Variants in CLMP observed in about 807,000 individuals in gnomAD.
The protein encoded by CLMP is CXADR-like membrane protein.
CLMP carries 27 observed loss-of-function variants against 45.2 expected under a neutral mutation model. The observed-to-expected ratio is 0.60, with a 90% CI of 0.44 to 0.82. The LOEUF (loss-of-function observed/expected upper bound fraction) is 0.82, where lower values mean the gene tolerates loss of function less well. Among genes scored for constraint, CLMP ranks in the 40% least tolerant of loss-of-function variants. The pLI, the probability that CLMP is intolerant of heterozygous loss-of-function variation, is 0.00. For synonymous variants in CLMP, 167 were observed against 171.4 expected, an observed-to-expected ratio of 0.97 and a Z score of 0.20; for missense variants, 403 against 448.4, an observed-to-expected ratio of 0.90 and a Z score of 0.91.
intron 1 of CLMP, among the ~76,000 whole-genome samples, chr11:123,107,034 T>A (rs77450769): frequency 0.11 from 15,526 of 142,670 alleles, 945 homozygotes; most frequent in Non-Finnish European, 0.13. Flanking sequence ...AAAAAAAAAA[T>A]AATAATAATA....
At chr11:123,077,409 G>A (rs1280239345) in intron 5 of CLMP, among the ~76,000 whole-genome samples, 1 of 151,986 alleles carries the variant, frequency 6.6e-6, no homozygotes, top group Admixed American at 6.6e-5. Flanking sequence ...TTGGCTTACC[G>A]CAACCTCTGC....
At position 123,179,750 on chromosome 11, in the gene CLMP, G is replaced by A. The variant is rs143441373; in HGVS notation, c.28+15163C>T. The stretch of plus-strand genomic sequence containing the variant: ...ATGCCTTAAAATCCTTGGGCTTGCC[G>A]GGGGTTCAAAGAGCTTTGGGCTGGG... On this transcript the variant is annotated intron_variant, in intron 1 of 6. Transcript: ENST00000448775. Among the ~76,000 whole-genome samples, 14 of 152,286 alleles carry A rather than the reference G, an allele frequency of 9.2e-5. No homozygotes were observed. The East Asian group carries it at 9.7e-4, about 11-fold the overall frequency.
At chr11:123,116,403 C>T (rs1860720425) in intron 1 of CLMP, among the ~76,000 whole-genome samples, 1 of 151,908 alleles carries the variant, frequency 6.6e-6, no homozygotes, top group Non-Finnish European at 1.5e-5. Flanking sequence ...CCTGTGTATA[C>T]TAAAAGTACA....
chr11:123,188,090 T>G (rs1861856346), intron 1 of CLMP, among the ~76,000 whole-genome samples: 1 of 152,226 alleles, frequency 6.6e-6, no homozygotes, highest in Non-Finnish European at 1.5e-5. Context: ...ACATTCCTTG[T>G]TCGTGAATAC....
intron 2 of CLMP, among the ~76,000 whole-genome samples, chr11:123,087,134 T>G (rs1865874183): frequency 6.6e-6 from 1 of 151,924 alleles, no homozygotes; most frequent in South Asian, 2.1e-4. Flanking sequence ...GGTTGGGAGT[T>G]CAAGACCAGC....
intron 1 of CLMP, among the ~76,000 whole-genome samples, chr11:123,138,595 G>GC (rs59749402): frequency 6.5e-4 from 72 of 110,768 alleles, no homozygotes; most frequent in Admixed American, 4.9e-4. Flanking sequence ...GCTCCCACCT[G>GC]CCCCCCACCC....
chr11:123,186,952 G>A (rs1227722278), intron 1 of CLMP, among the ~76,000 whole-genome samples: 1 of 152,122 alleles, frequency 6.6e-6, no homozygotes, highest in Non-Finnish European at 1.5e-5. Flanking sequence ...GGTGGTCGCT[G>A]ACTTCAAGCA....
At chr11:123,104,567 G>C (rs934834705) in intron 1 of CLMP, among the ~76,000 whole-genome samples, 6 of 151,814 alleles carry the variant, frequency 4.0e-5, no homozygotes, top group African/African-American at 1.5e-4. Context: ...TGTATCTTTA[G>C]TAGAGACGGG....
chr11:123,116,482 C>T (rs192772257), intron 1 of CLMP, among the ~76,000 whole-genome samples: 130 of 152,076 alleles, frequency 8.5e-4, no homozygotes, highest in African/African-American at 2.9e-3. Flanking sequence ...GCAGGAGAAT[C>T]GCTTGAACCC....
intron 1 of CLMP, among the ~76,000 whole-genome samples, chr11:123,143,621 A>C (rs950924126): frequency 6.6e-6 from 1 of 152,182 alleles, no homozygotes; most frequent in African/African-American, 2.4e-5. Context: ...AATACTGCTA[A>C]CAATCACGTG....
At chr11:123,169,109 C>T (rs1309950499) in intron 1 of CLMP, among the ~76,000 whole-genome samples, 3 of 152,138 alleles carry the variant, frequency 2.0e-5, no homozygotes, top group Non-Finnish European at 4.4e-5. Context: ...CTGGGGAATC[C>T]CTGGAGGCAG....
Position 123,157,373 on chromosome 11 carries a change from G to A in CLMP, c.28+37540C>T, listed in dbSNP as rs528456921. Among the ~76,000 whole-genome samples the A allele has an allele frequency of 1.9e-3, 286 of 152,154 alleles. 1 individual carries two copies. The highest frequency in any genetic ancestry group is 5.6e-3 in the African/African-American group (234 of 41,510). ...AATTCGAAATCTGCCTGGCCAATGT[G>A]GAGAAACCCCATCTCTACTAAAAAT... On this transcript the variant is annotated intron_variant, in intron 1 of 6. Coordinates refer to ENST00000448775, the MANE Select transcript of CLMP (RefSeq NM_024769.5).
intron 1 of CLMP, among the ~76,000 whole-genome samples, chr11:123,156,664 C>T (rs10400222): frequency 0.19 from 29,290 of 152,008 alleles, 3,004 homozygotes; most frequent in Middle Eastern, 0.26. Flanking sequence ...CGAGTCTTTA[C>T]CTGTGGTAGG....
chr11:123,185,381 G>A (rs935236811), intron 1 of CLMP, among the ~76,000 whole-genome samples: 6 of 152,114 alleles, frequency 3.9e-5, no homozygotes, highest in Non-Finnish European at 8.8e-5. Context: ...CCAATTTGGC[G>A]CCAGGGGAGA....
At chr11:123,115,461 A>C (rs1313777462) in intron 1 of CLMP, among the ~76,000 whole-genome samples, 1 of 152,138 alleles carries the variant, frequency 6.6e-6, no homozygotes, top group East Asian at 1.9e-4. Context: ...TGATTCAACA[A>C]TGGCATTTTA....
intron 1 of CLMP, among the ~76,000 whole-genome samples, chr11:123,112,670 C>G (rs1407605257): frequency 3.3e-5 from 5 of 151,920 alleles, no homozygotes; most frequent in African/African-American, 1.2e-4. Flanking sequence ...TAAAACTAGG[C>G]AGCTGAAATG....
chr11:123,086,598 T>C (rs1453176404), intron 2 of CLMP, among the ~76,000 whole-genome samples: 2 of 152,224 alleles, frequency 1.3e-5, no homozygotes, highest in African/African-American at 2.4e-5. Flanking sequence ...AACTCACATA[T>C]TATTTTGCAG....
chr11:123,126,726 T>C (rs1485319271), intron 1 of CLMP, among the ~76,000 whole-genome samples: 1 of 151,938 alleles, frequency 6.6e-6, no homozygotes, highest in Non-Finnish European at 1.5e-5. Context: ...TGAAACCCCG[T>C]CTCTACTAAA....
At chr11:123,164,366 C>T (rs1454522770) in intron 1 of CLMP, among the ~76,000 whole-genome samples, 1 of 152,138 alleles carries the variant, frequency 6.6e-6, no homozygotes, top group Non-Finnish European at 1.5e-5. Context: ...TGCAGTGGCC[C>T]ACTCTCAGCT....
Sources: gnomAD v4.1 joint callset for allele counts (sites outside exome capture counted in the v4.1 genomes callset) on GRCh38, gnomAD v4.1.1 for gene constraint, MANE v1.5 for transcripts, NCBI Gene and HGNC (gene_info 2026-07-23, HGNC 2026-07-21) for gene names.